SLC4A1: variants seen among roughly 807,000 people sequenced by gnomAD.
SLC4A1 encodes the protein band 3 anion transport protein.
Under a neutral mutation model 93.1 loss-of-function variants are expected in SLC4A1, and 29 were observed. That is an observed-to-expected ratio of 0.31 (90% CI 0.23 to 0.42). The LOEUF (loss-of-function observed/expected upper bound fraction) is 0.42. Ranked by LOEUF, SLC4A1 falls within the 20% of genes least tolerant of loss-of-function variation. The pLI is 1.00. For missense variants in SLC4A1, 965 were observed against 1,190.1 expected (o/e 0.81, Z 2.78); for synonymous variants, 469 against 497.2 (o/e 0.94, Z 0.76).
chr17:44,261,553 C>A, intron 4 of SLC4A1, 22 bp downstream of exon 4: 3 of 1,614,076 alleles, frequency 1.9e-6, no homozygotes, highest in Non-Finnish European at 2.5e-6. Flanking sequence ...TGGGAAAGAA[C>A]GGAGGAGGCT....
At chr17:44,261,036 A>G (rs2047439931) in intron 4 of SLC4A1, among the ~76,000 whole-genome samples, 1 of 152,166 alleles carries the variant, frequency 6.6e-6, no homozygotes, top group Admixed American at 6.5e-5. Context: ...GGGATGCTGG[A>G]GAGGCCACTG....
rs1279430800 is a variant in SLC4A1, at chr17:44,251,517, T to C, written c.2383A>G (p.Met795Val). 5 of 1,613,832 alleles carry C rather than the reference T, an allele frequency of 3.1e-6. No homozygotes were observed. The highest frequency in any genetic ancestry group is 4.2e-6 in the Non-Finnish European group (5 of 1,179,996). ...LAVLFGIFLYMGVTSLSGIQL... is the reference protein window; with the variant it reads ...LAVLFGIFLYVGVTSLSGIQL... ...ATGCCGCTGAGCGACGTGACCCCCA[T>C]GTAGAGGAAGATGCCAAACAGTACA... is the stretch of plus-strand genomic sequence containing the variant. Residue 795 changes from methionine to valine, a missense_variant, in exon 18 of 20, where the codon ATG (methionine) becomes GTG (valine). By Grantham distance (21) the Met-to-Val change is conservative. Transcript: ENST00000262418.
intron 16 of SLC4A1, among the ~76,000 whole-genome samples, chr17:44,253,988 T>C (rs1168934984): frequency 1.3e-5 from 2 of 148,148 alleles, no homozygotes; most frequent in Non-Finnish European, 3.0e-5. Flanking sequence ...TTTTTTTTTT[T>C]TTTGAGATGG....
chr17:44,256,732 A>T (rs1051088976), intron 13 of SLC4A1, among the ~76,000 whole-genome samples: 2 of 152,224 alleles, frequency 1.3e-5, no homozygotes, highest in African/African-American at 4.8e-5. Flanking sequence ...TGAACTGGAC[A>T]TGTGCACACA....
Position 44,257,781 on chromosome 17 carries a change from C to T in SLC4A1, c.1309G>A (p.Val437Met). Residue 437 changes from valine (V) to methionine (M), a missense_variant, in exon 12 of 20, where the codon GTG (valine) becomes ATG (methionine). Around this residue, in one of 2 missense-constraint regions of SLC4A1, gnomAD observed 770 missense variants for 1,006.6 expected, o/e 0.76. Coordinates refer to ENST00000262418, the MANE Select transcript of SLC4A1 (RefSeq NM_000342.4). ...LGEKTRNQMG[V>M]SELLISTAVQ... ...GCAGTGGAGATCAGCAGCTCCGACA[C>T]TCCCATCTGGTTCCGGGTCTTTTCT... 2 of 1,614,002 alleles carry T rather than the reference C, an allele frequency of 1.2e-6. No homozygotes were observed. The highest frequency in any genetic ancestry group is 1.7e-6 in the Non-Finnish European group (2 of 1,180,040).
At chr17:44,264,516 T>C (rs186904089) in intron 1 of SLC4A1, among the ~76,000 whole-genome samples, 1 of 152,330 alleles carries the variant, frequency 6.6e-6, no homozygotes, top group Non-Finnish European at 1.5e-5. Context: ...TTTGTGTTCA[T>C]ATTATCTGAC....
Position 44,260,506 on chromosome 17 carries a change from A to C in SLC4A1, c.383T>G (p.Leu128Arg). Reference protein sequence around the residue: ...TVLLDLQETSLAGVANQLLDR... With the variant: ...TVLLDLQETSRAGVANQLLDR... ...TAGCAGTTGGTTGGCCACTCCAGCC[A>C]GGGAGGTCTCTTGCAGGTCTAGGAG... Residue 128 changes from leucine (L) to arginine (R), a missense_variant, in exon 6 of 20, where the codon CTG (leucine) becomes CGG (arginine). Coordinates refer to ENST00000262418, the MANE Select transcript of SLC4A1 (RefSeq NM_000342.4). The C allele has an allele frequency of 6.2e-7, 1 of 1,614,218 alleles. No homozygotes were observed. Among genetic ancestry groups the C allele is most frequent in the Non-Finnish European group, 8.5e-7 (1 of 1,180,018 alleles).
At chr17:44,263,409 C>T (rs1313363754) in intron 1 of SLC4A1, among the ~76,000 whole-genome samples, 1 of 152,168 alleles carries the variant, frequency 6.6e-6, no homozygotes, top group African/African-American at 2.4e-5. Flanking sequence ...GAGTGGTCCG[C>T]AGGTCTGGAC....
chr17:44,250,005 C>A lies in SLC4A1; in HGVS notation c.*453G>T, dbSNP rs931527093. On this transcript the variant is annotated 3_prime_UTR_variant, in exon 20 of 20. Coordinates refer to ENST00000262418, the MANE Select transcript of SLC4A1 (RefSeq NM_000342.4). ...GTATCTTTGGTCCTCAGTAACCATC[C>A]TGTAATGTGGGTATTATCATCAATA... The A allele has an allele frequency of 9.2e-6, 2 of 217,858 alleles. No individual in the cohort carries two copies. Among genetic ancestry groups the A allele is most frequent in the Non-Finnish European group, 1.9e-5 (2 of 106,940 alleles). The allele number at this position is 217,858 out of a possible 1,614,324, so 13.5% of individuals were successfully genotyped here.
At chr17:44,254,180 T>A (rs2047368102) in intron 16 of SLC4A1, among the ~76,000 whole-genome samples, 1 of 152,124 alleles carries the variant, frequency 6.6e-6, no homozygotes, top group Non-Finnish European at 1.5e-5. Context: ...TTCACCATGT[T>A]AGCCAAGCTG....
At position 44,255,658 on chromosome 17, in the gene SLC4A1, G is replaced by T; in HGVS notation, c.1800+15C>A. The T allele has an allele frequency of 6.2e-7, 1 of 1,612,994 alleles. No individual in the cohort carries two copies. Among genetic ancestry groups the T allele is most frequent in the Non-Finnish European group, 8.5e-7 (1 of 1,179,542 alleles). On this transcript the variant is annotated intron_variant, in intron 14 of 19. Coordinates refer to ENST00000262418, the MANE Select transcript of SLC4A1 (RefSeq NM_000342.4). ...GGGCAGTGTTGGCAAGGACAGGCGAGGAGGGTATGCTGACCTTGCCAGGGA... is the reference window on the plus strand; with the variant it reads ...GGGCAGTGTTGGCAAGGACAGGCGATGAGGGTATGCTGACCTTGCCAGGGA...
chr17:44,255,681 G>A lies in SLC4A1; in HGVS notation c.1792C>T (p.Pro598Ser), dbSNP rs1219368051. 1 of 1,613,972 alleles carries A rather than the reference G, an allele frequency of 6.2e-7. No individual in the cohort carries two copies. Among genetic ancestry groups the A allele is most frequent in the Non-Finnish European group, 8.5e-7 (1 of 1,180,018 alleles). The change falls in exon 14 of 20, where the codon CCT becomes TCT. Residue 598 changes from proline (P) to serine (S), a missense_variant. By Grantham distance (74) the Pro-to-Ser change is moderately conservative. Around this residue, in one of 2 missense-constraint regions of SLC4A1, gnomAD observed 770 missense variants for 1,006.6 expected, o/e 0.76. Transcript: ENST00000262418. ...GAGGAGGGTATGCTGACCTTGCCAG[G>A]GAAATAGGAGCTGTTCTTGAACTTG... The part of the protein sequence containing the change: ...LRKFKNSSYF[P>S]GKLRRVIGDF...
intron 17 of SLC4A1, 95 bp from the exon 18 acceptor site, chr17:44,251,683 G>T: frequency 1.0e-6 from 1 of 957,332 alleles, no homozygotes; most frequent in Non-Finnish European, 1.6e-6. Flanking sequence ...TAAAACACAG[G>T]CACCATATGG....
Position 44,257,826 on chromosome 17 carries a change from G to C in SLC4A1, c.1283-19C>G. 1 of 1,613,280 alleles carries C rather than the reference G, an allele frequency of 6.2e-7. No homozygotes were observed. The highest frequency in any genetic ancestry group is 8.5e-7 in the Non-Finnish European group (1 of 1,179,988). On this transcript the variant is annotated intron_variant, in intron 11 of 19. Transcript: ENST00000262418. ...TTTTCTCCTGTGGGTAGAGGTCACA[G>C]TGGGATCAAGGTCAGGAGATCATTT...
Position 44,249,917 on chromosome 17 carries a change from C to G in SLC4A1, c.*541G>C, listed in dbSNP as rs1320470788. On this transcript the variant is annotated 3_prime_UTR_variant, in exon 20 of 20. Transcript: ENST00000262418. ...CCAGCTATGTGACCTTGGGTACGTT[C>G]AAAGACAAATGATGACTGCTATAGA... The G allele has an allele frequency of 6.2e-6, 1 of 162,164 alleles. No homozygotes were observed. Among genetic ancestry groups the G allele is most frequent in the Non-Finnish European group, 1.4e-5 (1 of 73,462 alleles). The allele number at this position is 162,164 out of a possible 1,614,324, so 10.0% of individuals were successfully genotyped here.
Sources: gnomAD v4.1 joint callset for allele counts (sites outside exome capture counted in the v4.1 genomes callset) on GRCh38, gnomAD v4.1.1 for gene constraint, gnomAD v4.1.1 regional missense constraint, MANE v1.5 for transcripts, NCBI Gene and HGNC (gene_info 2026-07-23, HGNC 2026-07-21) for gene names.